Variants in NGEF observed in about 807,000 individuals in gnomAD.
NGEF encodes neuronal guanine nucleotide exchange factor.
NGEF carries 31 observed loss-of-function variants against 80.9 expected under a neutral mutation model. The observed-to-expected ratio is 0.38, with a 90% CI of 0.29 to 0.52. NGEF has a LOEUF of 0.52. NGEF is among the 20% of genes least tolerant of loss of function. The pLI, the probability that NGEF is intolerant of heterozygous loss-of-function variation, is 0.84. For missense variants in NGEF, 709 were observed against 926.2 expected (o/e 0.77, Z 3.04); for synonymous variants, 371 against 370.2 (o/e 1.00, Z -0.03).
intron 3 of NGEF, among the ~76,000 whole-genome samples, chr2:232,929,368 G>GAT (rs1323670653): frequency 2.0e-5 from 3 of 152,184 alleles, no homozygotes; most frequent in Non-Finnish European, 4.4e-5. Flanking sequence ...AGGAAGCTGA[G>GAT]AAGCATTAAG....
intron 1 of NGEF, chr2:233,012,523 T>C (rs184695416): frequency 4.3e-6 from 1 of 233,232 alleles, no homozygotes; most frequent in Non-Finnish European, 8.5e-6. Flanking sequence ...CTATGACTTC[T>C]GTTTCCCAAG....
chr2:232,891,136 A>G (rs1054576989), intron 8 of NGEF, among the ~76,000 whole-genome samples: 3 of 152,204 alleles, frequency 2.0e-5, no homozygotes, highest in African/African-American at 7.2e-5. Flanking sequence ...CCCCAGGGCC[A>G]TGCCCACTTC....
chr2:232,914,161 C>T (rs969305388), intron 5 of NGEF, among the ~76,000 whole-genome samples: 2 of 152,198 alleles, frequency 1.3e-5, no homozygotes, highest in Non-Finnish European at 2.9e-5. Flanking sequence ...CACACCACAA[C>T]GACAGAGCTG....
chr2:232,881,283 C>T lies in NGEF; in HGVS notation c.1838-33G>A, dbSNP rs114379157. 3,856 of 1,541,360 alleles carry T rather than the reference C, an allele frequency of 2.5e-3. 62 individuals are homozygous for T. In the African/African-American group the frequency reaches 0.045, roughly 18 times the overall value. On this transcript the variant is annotated intron_variant, in intron 13 of 14. Coordinates refer to ENST00000264051, the MANE Select transcript of NGEF (RefSeq NM_019850.3). Reference sequence around the variant, plus strand: ...ACAAGAGGCACGGGCACATCCCCACCACCGCACTACCCACCTGCACACTCC... The same window carrying T: ...ACAAGAGGCACGGGCACATCCCCACTACCGCACTACCCACCTGCACACTCC...
At chr2:232,999,677 A>G (rs111237050) in intron 1 of NGEF, among the ~76,000 whole-genome samples, 17 of 152,342 alleles carry the variant, frequency 1.1e-4, no homozygotes, top group African/African-American at 3.1e-4. Flanking sequence ...GCCTGTGGGC[A>G]AGTTCTGCCA....
rs770856171 is a variant in NGEF, at chr2:232,892,960, G to GAAGT, written c.1076_1079dup (p.Phe360LeufsTer20). ...TGCTGACGTAGGTGATGTAGACAGAGAAGTGGTCGGCCGCATAACGGTACA... is the reference window on the plus strand; with the variant it reads ...TGCTGACGTAGGTGATGTAGACAGAGAAGTAAGTGGTCGGCCGCATAACGGTACA... On this transcript the variant is annotated frameshift_variant, in exon 7 of 15. Coordinates refer to ENST00000264051, the MANE Select transcript of NGEF (RefSeq NM_019850.3). LOFTEE classifies it high-confidence loss of function. The surrounding 1 kb of genome is among the most constrained non-coding windows in gnomAD (Gnocchi z 4.0). 1 of 1,613,662 alleles carries GAAGT rather than the reference G, an allele frequency of 6.2e-7. No individual in the cohort carries two copies. Among genetic ancestry groups the GAAGT allele is most frequent in the Admixed American group, 1.7e-5 (1 of 60,024 alleles).
At chr2:232,939,725 C>T (rs1462795359) in intron 3 of NGEF, among the ~76,000 whole-genome samples, 1 of 152,022 alleles carries the variant, frequency 6.6e-6, no homozygotes, top group Non-Finnish European at 1.5e-5. Context: ...CGGCCGGGCA[C>T]GGTGGCTCAT....
At chr2:232,968,598 G>A (rs1222188583) in intron 3 of NGEF, among the ~76,000 whole-genome samples, 1 of 151,920 alleles carries the variant, frequency 6.6e-6, no homozygotes, top group African/African-American at 2.4e-5. Context: ...TAGAGATGGG[G>A]TTTCACCATG....
intron 3 of NGEF, among the ~76,000 whole-genome samples, chr2:232,938,741 G>GAAAA (rs60179308): frequency 1.7e-5 from 2 of 121,172 alleles, no homozygotes; most frequent in African/African-American, 6.4e-5. Context: ...CCTGTCTTAA[G>GAAAA]AAAAAAAAAA....
intron 3 of NGEF, among the ~76,000 whole-genome samples, chr2:232,961,916 G>A (rs1467188): frequency 0.79 from 120,447 of 152,170 alleles, 48,239 homozygotes; most frequent in African/African-American, 0.91. Context: ...AGAGCAGTCC[G>A]CAGAGAGAAA....
At chr2:232,965,236 T>C (rs944323303) in intron 3 of NGEF, among the ~76,000 whole-genome samples, 3 of 152,168 alleles carry the variant, frequency 2.0e-5, no homozygotes, top group African/African-American at 7.2e-5. Flanking sequence ...CTCTGCTAAA[T>C]TTAGATCATG....
chr2:232,982,799 C>T (rs1694460013), intron 1 of NGEF, among the ~76,000 whole-genome samples: 1 of 152,220 alleles, frequency 6.6e-6, no homozygotes, highest in Non-Finnish European at 1.5e-5. Flanking sequence ...CAGGCTTGAG[C>T]CACTGCGCCC....
At chr2:232,955,669 C>A (rs188881366) in intron 3 of NGEF, among the ~76,000 whole-genome samples, 5 of 152,290 alleles carry the variant, frequency 3.3e-5, no homozygotes, top group East Asian at 3.9e-4. Context: ...CAGGCATGTG[C>A]CACCACATCT....
intron 3 of NGEF, among the ~76,000 whole-genome samples, chr2:232,959,888 AT>A (rs1377530469): frequency 6.6e-6 from 1 of 152,118 alleles, no homozygotes; most frequent in African/African-American, 2.4e-5. Context: ...AACAATGGCC[AT>A]TTTTTAGGTG....
At chr2:232,985,732 G>T (rs1182395901) in intron 1 of NGEF, among the ~76,000 whole-genome samples, 1 of 151,942 alleles carries the variant, frequency 6.6e-6, no homozygotes, top group African/African-American at 2.4e-5. Context: ...CAGCCTAGGC[G>T]ACAGAGACAC....
intron 1 of NGEF, among the ~76,000 whole-genome samples, chr2:232,976,480 C>T (rs1202911437): frequency 6.6e-6 from 1 of 152,152 alleles, no homozygotes; most frequent in Non-Finnish European, 1.5e-5. Context: ...TGGGTTTCCC[C>T]TACCCCAGGC....
At chr2:232,937,864 T>G (rs1693359128) in intron 3 of NGEF, among the ~76,000 whole-genome samples, 1 of 152,140 alleles carries the variant, frequency 6.6e-6, no homozygotes, top group South Asian at 2.1e-4. Context: ...GCCTAAAGCT[T>G]GGGGGAGGTA....
intron 3 of NGEF, among the ~76,000 whole-genome samples, chr2:232,954,182 C>T (rs1693743270): frequency 6.6e-6 from 1 of 152,084 alleles, no homozygotes; most frequent in South Asian, 2.1e-4. Flanking sequence ...GAATGGAGCC[C>T]TCTCAAGCTG....
chr2:232,973,103 G>A (rs190003787), intron 2 of NGEF, among the ~76,000 whole-genome samples: 15 of 152,054 alleles, frequency 9.9e-5, no homozygotes, highest in Admixed American at 7.9e-4. Flanking sequence ...ATCTTCTTTG[G>A]GAAGCCCTTT....
Sources: gnomAD v4.1 joint callset for allele counts (sites outside exome capture counted in the v4.1 genomes callset) on GRCh38, gnomAD v4.1.1 for gene constraint, Gnocchi (gnomAD v3.1) non-coding constraint, MANE v1.5 for transcripts, NCBI Gene and HGNC (gene_info 2026-07-23, HGNC 2026-07-21) for gene names.